The following COX5A variants were observed in gnomAD, a reference collection of about 807,000 sequenced individuals.
COX5A encodes cytochrome c oxidase subunit 5A, mitochondrial.
Under a neutral mutation model 16.1 loss-of-function variants are expected in COX5A, and 6 were observed. The ratio of observed to expected loss-of-function variants is 0.37; its 90% CI spans 0.20 to 0.73. The LOEUF (loss-of-function observed/expected upper bound fraction) is 0.73. Ranked by LOEUF, COX5A falls within the 30% of genes least tolerant of loss-of-function variation. The pLI, the probability that COX5A is intolerant of heterozygous loss-of-function variation, is 0.50. For synonymous variants in COX5A, 73 were observed against 73.8 expected, an observed-to-expected ratio of 0.99 and a Z score of 0.06; for missense variants, 159 against 194.9, an observed-to-expected ratio of 0.82 and a Z score of 1.10.
At chr15:74,920,980 A>G (rs888684505) in intron 4 of COX5A, among the ~76,000 whole-genome samples, 1 of 152,148 alleles carries the variant, frequency 6.6e-6, no homozygotes, top group African/African-American at 2.4e-5. Flanking sequence ...CTGTCTCCCA[A>G]CAAAAAAAAG....
At chr15:74,924,804 T>G (rs1413115243) in intron 3 of COX5A, among the ~76,000 whole-genome samples, 1 of 152,228 alleles carries the variant, frequency 6.6e-6, no homozygotes, top group African/African-American at 2.4e-5. Flanking sequence ...AATGGATTGA[T>G]AGCCTACAGA....
At chr15:74,927,330 C>T (rs1000762032) in intron 2 of COX5A, among the ~76,000 whole-genome samples, 1 of 152,002 alleles carries the variant, frequency 6.6e-6, no homozygotes, top group Non-Finnish European at 1.5e-5. Context: ...GCGGGTGCCA[C>T]CAAGCCCAGC....
At chr15:74,935,661 G>A (rs182293400) in intron 1 of COX5A, among the ~76,000 whole-genome samples, 13 of 150,980 alleles carry the variant, frequency 8.6e-5, no homozygotes, top group Admixed American at 5.9e-4. Context: ...GCATGATTTC[G>A]GCTCACTGCA....
chr15:74,938,000 A>G lies in COX5A; in HGVS notation c.15T>C (p.Ala5=). MLGA[A]LRRCAVAATT... is the part of the protein sequence containing the mutation. The stretch of plus-strand genomic sequence containing the variant: ...TTGCGGCCACAGCGCAGCGGCGGAG[A>G]GCGGCGCCCAGCATGACGGCGATGG... Residue 5 remains alanine, a synonymous_variant, in exon 1 of 5, where the codon GCT becomes GCC. Transcript: ENST00000322347. 4.1e-6 allele frequency: 5 copies of G among 1,231,466 alleles called. No individual in the cohort carries two copies. Among genetic ancestry groups the G allele is most frequent in the Non-Finnish European group, 5.1e-6 (5 of 987,664 alleles). The allele number at this position is 1,231,466 out of a possible 1,614,324, so 76.3% of individuals were successfully genotyped here. A position where few individuals can be genotyped will look rare whatever the true frequency, so the allele number is the denominator to read the frequency against.
At chr15:74,926,589 T>A (rs191449818) in intron 3 of COX5A, among the ~76,000 whole-genome samples, 177 bp downstream of exon 3, 121 of 152,320 alleles carry the variant, frequency 7.9e-4, no homozygotes, top group African/African-American at 1.3e-3. Context: ...TGTAAGGCCT[T>A]GAATAAATGC....
chr15:74,920,485 A>G (rs1208506390), intron 4 of COX5A, 43 bp from the exon 5 acceptor site: 1 of 675,896 alleles, frequency 1.5e-6, no homozygotes, highest in Admixed American at 2.4e-5. Flanking sequence ...AAGAATAAAG[A>G]AAAAGTAGAA....
chr15:74,934,573 C>T (rs557702143), intron 1 of COX5A, among the ~76,000 whole-genome samples: 1 of 152,252 alleles, frequency 6.6e-6, no homozygotes, highest in Non-Finnish European at 1.5e-5. Context: ...CATTGTGATC[C>T]GCCCGCCTCA....
chr15:74,924,236 T>G (rs1360617690), intron 3 of COX5A, among the ~76,000 whole-genome samples: 1 of 151,808 alleles, frequency 6.6e-6, no homozygotes, highest in Non-Finnish European at 1.5e-5. Flanking sequence ...TTAACACATT[T>G]GTTCGGTAAG....
At chr15:74,926,722 C>T (rs1211155393) in intron 3 of COX5A, 44 bp downstream of exon 3, 2 of 1,576,178 alleles carry the variant, frequency 1.3e-6, no homozygotes, top group Non-Finnish European at 1.7e-6. Flanking sequence ...TCAGCAATAG[C>T]CCACTCATTT....
chr15:74,927,136 G>T (rs564108787), intron 2 of COX5A, among the ~76,000 whole-genome samples: 30 of 149,746 alleles, frequency 2.0e-4, no homozygotes, highest in African/African-American at 7.1e-4. Context: ...AAAATCCTGA[G>T]TTTTTTTTTT....
intron 1 of COX5A, among the ~76,000 whole-genome samples, chr15:74,934,490 C>T (rs925150534): frequency 6.6e-6 from 1 of 152,104 alleles, no homozygotes; most frequent in Non-Finnish European, 1.5e-5. Context: ...GCCACCACGC[C>T]CGGCTAATTT....
Position 74,929,152 on chromosome 15 carries a change from T to C in COX5A, c.181A>G (p.Asn61Asp). 6.2e-7 allele frequency: 1 copy of C among 1,614,066 alleles called. No homozygotes were observed. Among genetic ancestry groups the C allele is most frequent in the South Asian group, 1.1e-5 (1 of 91,082 alleles). The change falls in exon 2 of 5, where the codon AAC (asparagine) becomes GAC (aspartate). Residue 61 changes from asparagine (N) to aspartate (D), a missense_variant. By Grantham distance (23) the Asn-to-Asp change is conservative. Transcript: ENST00000322347. ...EFDARWVTYF[N>D]KPDIDAWELR... ...TCCCAGGCATCTATATCTGGCTTGT[T>C]GAAGTATGTTACCCAGCGAGCATCA...
chr15:74,932,453 A>T (rs1462362083), intron 1 of COX5A, among the ~76,000 whole-genome samples: 1 of 151,878 alleles, frequency 6.6e-6, no homozygotes, highest in Non-Finnish European at 1.5e-5. Flanking sequence ...CAGCCTTAAC[A>T]TACATATATA....
intron 3 of COX5A, among the ~76,000 whole-genome samples, chr15:74,926,419 AC>A (rs1418141539): frequency 6.7e-6 from 1 of 149,548 alleles, no homozygotes; most frequent in Non-Finnish European, 1.5e-5. Context: ...TGCATGATCC[AC>A]CCGCCTTAGC....
At chr15:74,920,558 C>A (rs536671674) in intron 4 of COX5A, 116 bp from the exon 5 acceptor site, 3 of 612,834 alleles carry the variant, frequency 4.9e-6, no homozygotes, top group African/African-American at 3.9e-5. Context: ...GTACCCTTTA[C>A]TGCTCTTACT....
chr15:74,926,131 C>T (rs2141271334), intron 3 of COX5A, among the ~76,000 whole-genome samples: 1 of 151,506 alleles, frequency 6.6e-6, no homozygotes, highest in South Asian at 2.1e-4. Context: ...GCTTTGCCTC[C>T]CGGGTTCACG....
chr15:74,922,693 T>G (rs2065326567), intron 4 of COX5A, among the ~76,000 whole-genome samples: 1 of 137,798 alleles, frequency 7.3e-6, no homozygotes, highest in Non-Finnish European at 1.5e-5. Context: ...TGAGACAGAG[T>G]CTCACTCTGT....
intron 1 of COX5A, among the ~76,000 whole-genome samples, chr15:74,930,350 G>A (rs1052380518): frequency 4.0e-5 from 6 of 150,754 alleles, no homozygotes; most frequent in Admixed American, 6.6e-5. Context: ...CCCAGGAGGC[G>A]GAGGTTGCAG....
At chr15:74,933,066 A>C (rs1460157269) in intron 1 of COX5A, among the ~76,000 whole-genome samples, 5 of 152,154 alleles carry the variant, frequency 3.3e-5, no homozygotes, top group Non-Finnish European at 5.9e-5. Context: ...ACATTTAATC[A>C]AAACTACGTG....
Sources: allele counts gnomAD v4.1 joint callset (sites outside exome capture counted in the v4.1 genomes callset), GRCh38; gene constraint gnomAD v4.1.1; transcripts MANE v1.5; gene names NCBI Gene and HGNC (gene_info 2026-07-23, HGNC 2026-07-21).